The following ULK4 variants were observed in gnomAD, a reference collection of about 807,000 sequenced individuals.
The protein encoded by ULK4 is unc-51 like kinase 4.
Under a neutral mutation model 160.6 loss-of-function variants are expected in ULK4, and 133 were observed. The ratio of observed to expected loss-of-function variants is 0.83; its 90% CI spans 0.72 to 0.96. ULK4 has a LOEUF of 0.96. Among genes scored for constraint, ULK4 ranks in the 40% least tolerant of loss-of-function variants. The pLI is 0.00. For missense variants in ULK4, 1,580 were observed against 1,499.5 expected, an observed-to-expected ratio of 1.05 and a Z score of -0.89; for synonymous variants, 534 against 539.8, an observed-to-expected ratio of 0.99 and a Z score of 0.15.
intron 31 of ULK4, among the ~76,000 whole-genome samples, chr3:41,611,309 T>G (rs532547748): frequency 6.6e-6 from 1 of 152,294 alleles, no homozygotes; most frequent in East Asian, 1.9e-4. Context: ...GGGGCTCTGC[T>G]TGGGGAACAG....
intron 32 of ULK4, among the ~76,000 whole-genome samples, chr3:41,512,207 T>C (rs1045275260): frequency 6.6e-6 from 1 of 151,732 alleles, no homozygotes; most frequent in African/African-American, 2.4e-5. Flanking sequence ...GCATTCCCCC[T>C]GAGAACTGGA....
intron 35 of ULK4, among the ~76,000 whole-genome samples, chr3:41,377,416 T>C (rs982711253): frequency 2.0e-5 from 3 of 150,140 alleles, no homozygotes; most frequent in Admixed American, 6.6e-5. Flanking sequence ...CAAAAGAAAC[T>C]ACCATCAGAG....
intron 31 of ULK4, among the ~76,000 whole-genome samples, chr3:41,572,623 C>T (rs989137014): frequency 1.3e-5 from 2 of 151,458 alleles, no homozygotes; most frequent in Admixed American, 6.6e-5. Context: ...AAAATTGGCC[C>T]GTCATGGTGG....
At chr3:41,486,593 A>G (rs2125901980) in intron 32 of ULK4, among the ~76,000 whole-genome samples, 1 of 152,272 alleles carries the variant, frequency 6.6e-6, no homozygotes, top group African/African-American at 2.4e-5. Context: ...TGGCCTAACT[A>G]GAAGTAGAGC....
intron 2 of ULK4, among the ~76,000 whole-genome samples, chr3:41,943,454 G>A (rs972055208): frequency 6.6e-6 from 1 of 151,962 alleles, no homozygotes; most frequent in Non-Finnish European, 1.5e-5. Flanking sequence ...TTCCAATTCT[G>A]GTTAAACTCA....
At chr3:41,540,850 T>C (rs758051125) in intron 32 of ULK4, among the ~76,000 whole-genome samples, 1 of 149,188 alleles carries the variant, frequency 6.7e-6, no homozygotes, top group Non-Finnish European at 1.5e-5. Context: ...GAAGTGTCTG[T>C]TCCTATCATT....
At chr3:41,460,913 AC>A (rs2083668895) in intron 33 of ULK4, among the ~76,000 whole-genome samples, 1 of 152,134 alleles carries the variant, frequency 6.6e-6, no homozygotes, top group Non-Finnish European at 1.5e-5. Context: ...GCCCGAGGTT[AC>A]AGAGGTGGGG....
chr3:41,764,116 G>A (rs983389906), intron 21 of ULK4, among the ~76,000 whole-genome samples: 13 of 151,896 alleles, frequency 8.6e-5, no homozygotes, highest in South Asian at 4.2e-4. Flanking sequence ...TAAGACTTTG[G>A]TATACACAAT....
At chr3:41,734,163 T>C (rs562703648) in intron 22 of ULK4, among the ~76,000 whole-genome samples, 10 of 152,242 alleles carry the variant, frequency 6.6e-5, no homozygotes, top group East Asian at 1.9e-4. Context: ...AGAGATGCTA[T>C]TGGCTTGGTT....
At chr3:41,590,589 T>C (rs930090854) in intron 31 of ULK4, among the ~76,000 whole-genome samples, 4 of 149,016 alleles carry the variant, frequency 2.7e-5, no homozygotes, top group African/African-American at 9.9e-5. Context: ...TGAGCCAAGA[T>C]CACGCCACTG....
At chr3:41,926,216 G>A (rs1699380111) in intron 5 of ULK4, among the ~76,000 whole-genome samples, 1 of 152,190 alleles carries the variant, frequency 6.6e-6, no homozygotes, top group Non-Finnish European at 1.5e-5. Context: ...ACAGGGTCTG[G>A]AGTGCACCTC....
At chr3:41,482,849 TTCAGA>T (rs1350796458) in intron 32 of ULK4, among the ~76,000 whole-genome samples, 2 of 152,192 alleles carry the variant, frequency 1.3e-5, no homozygotes, top group Admixed American at 1.3e-4. Context: ...TATTGTGTTG[TTCAGA>T]TTTTTTTAAT....
rs989437480 is a variant in ULK4, at chr3:41,484,607, C to T, written c.3227-21354G>A. 1.4e-4 allele frequency among the ~76,000 whole-genome samples: 22 copies of T among 152,180 alleles called. No individual in the cohort carries two copies. The South Asian group carries it at 2.3e-3, about 16-fold the overall frequency. ...AGCTGGGACTACAGGCGCCCGCCAC[C>T]ACACCCGGCTAATTTTTTGTATTTT... On this transcript the variant is annotated intron_variant, in intron 32 of 36. Transcript: ENST00000301831.
At chr3:41,715,156 C>T (rs2037223666) in intron 25 of ULK4, 81 bp downstream of exon 25, 2 of 1,383,036 alleles carry the variant, frequency 1.4e-6, no homozygotes, top group East Asian at 4.6e-5. Flanking sequence ...TTTTAAATTA[C>T]CTCATTCTGA....
chr3:41,557,594 T>A (rs1326314366), intron 32 of ULK4, among the ~76,000 whole-genome samples: 1 of 134,720 alleles, frequency 7.4e-6, no homozygotes, highest in Non-Finnish European at 1.7e-5. Flanking sequence ...AGCAAGACCC[T>A]GTCTCCACCA....
chr3:41,278,191 C>T (rs2079266327), intron 35 of ULK4: 1 of 152,370 alleles, frequency 6.6e-6, no homozygotes, highest in Admixed American at 6.5e-5. Flanking sequence ...TAGCTCACTG[C>T]TAGCGCAGCA....
At chr3:41,883,611 TTA>T (rs1697602380) in intron 17 of ULK4, among the ~76,000 whole-genome samples, 1 of 152,230 alleles carries the variant, frequency 6.6e-6, no homozygotes, top group South Asian at 2.1e-4. Context: ...GAAAAAAGCC[TTA>T]TTCAAAAACA....
intron 23 of ULK4, among the ~76,000 whole-genome samples, chr3:41,715,849 ATTTTT>A (rs60458744): frequency 1.3e-5 from 2 of 150,416 alleles, no homozygotes; most frequent in African/African-American, 4.9e-5. Flanking sequence ...TAGCTTTAGA[ATTTTT>A]TTTTTGTATT....
At chr3:41,814,295 T>A (rs2040902062) in intron 19 of ULK4, among the ~76,000 whole-genome samples, 2 of 152,254 alleles carry the variant, frequency 1.3e-5, no homozygotes, top group South Asian at 4.1e-4. Flanking sequence ...CTATAACTTT[T>A]CTGTCGCTTT....
Sources: gnomAD v4.1 joint callset for allele counts (sites outside exome capture counted in the v4.1 genomes callset) on GRCh38, gnomAD v4.1.1 for gene constraint, MANE v1.5 for transcripts, NCBI Gene and HGNC (gene_info 2026-07-23, HGNC 2026-07-21) for gene names.